Variants in PATZ1 observed in about 807,000 individuals in gnomAD.
The protein encoded by PATZ1 is POZ/BTB and AT hook containing zinc finger 1.
PATZ1 carries 9 observed loss-of-function variants against 46.2 expected under a neutral mutation model. The ratio of observed to expected loss-of-function variants is 0.19; its 90% CI spans 0.12 to 0.34. The LOEUF is 0.34. PATZ1 is among the 10% of genes least tolerant of loss of function. The probability of loss-of-function intolerance (pLI) is 1.00; values close to 1 mark genes in which losing one functional copy is unlikely to be tolerated. For synonymous variants in PATZ1, 426 were observed against 378.6 expected, an observed-to-expected ratio of 1.13 and a Z score of -1.45; for missense variants, 632 against 923.0, an observed-to-expected ratio of 0.68 and a Z score of 4.08.
chr22:31,341,193 A>G (rs1456620197), intron 2 of PATZ1: 4 of 1,248,686 alleles, frequency 3.2e-6, no homozygotes, highest in Non-Finnish European at 3.0e-6. Context: ...AGAGCCCAGA[A>G]AGAAACTTGG....
chr22:31,344,343 T>C lies in PATZ1; in HGVS notation c.1260A>G (p.Lys420=), dbSNP rs376203520. 1 of 1,605,086 alleles carries C rather than the reference T, an allele frequency of 6.2e-7. No individual in the cohort carries two copies. The highest frequency in any genetic ancestry group is 8.5e-7 in the Non-Finnish European group (1 of 1,174,974). The change falls in exon 1 of 5, where the codon AAA becomes AAG. Residue 420 remains lysine (K), a synonymous_variant. Coordinates refer to ENST00000266269, the MANE Select transcript of PATZ1 (RefSeq NM_014323.3). ...GKPYICQSCG[K]GFSRPDHLNG... ...GGGCCTTTCCTCACCTGGAGAAGCCTTTCCCACAGCTCTGGCAGATGTAAG... is the reference window on the plus strand; with the variant it reads ...GGGCCTTTCCTCACCTGGAGAAGCCCTTCCCACAGCTCTGGCAGATGTAAG...
Position 31,344,583 on chromosome 22 carries a change from T to G in PATZ1, c.1020A>C (p.Glu340Asp), listed in dbSNP as rs769956909. The G allele has an allele frequency of 2.4e-5, 38 of 1,614,082 alleles. No individual in the cohort carries two copies. The highest frequency in any genetic ancestry group is 2.9e-5 in the Non-Finnish European group (34 of 1,180,050). ...TCCTCTTTCGGGGGCCGTCGGGGTC[T>G]TCAGAGATGGGTAGCCCATTCTCAC... The part of the protein sequence containing the change: ...RLGENGLPIS[E>D]DPDGPRKRSR... The change falls in exon 1 of 5, where the codon GAA (glutamate) becomes GAC (aspartate). Residue 340 changes from glutamate (E) to aspartate (D), a missense_variant. Coordinates refer to ENST00000266269, the MANE Select transcript of PATZ1 (RefSeq NM_014323.3).
At chr22:31,338,979 G>T (rs1250136337) in intron 2 of PATZ1, among the ~76,000 whole-genome samples, 4 of 152,170 alleles carry the variant, frequency 2.6e-5, no homozygotes, top group Non-Finnish European at 5.9e-5. Context: ...GTCTTCCACA[G>T]TCTCTGGGAG....
chr22:31,341,326 C>T, intron 2 of PATZ1: 12 of 1,497,168 alleles, frequency 8.0e-6, no homozygotes, highest in Non-Finnish European at 1.1e-5. Context: ...CCCTGCTAGC[C>T]TCTCCCAAAA....
In PATZ1 at chr22:31,345,140, C is replaced by A; in HGVS notation, c.463G>T (p.Val155Phe). ...ATCTGTACGTTGGACTGTTTGATGACTTCCTGGCAGATCTCGATAACCGAC... is the reference window on the plus strand; with the variant it reads ...ATCTGTACGTTGGACTGTTTGATGAATTCCTGGCAGATCTCGATAACCGAC... ...MRSVIEICQE[V>F]IKQSNVQILV... Residue 155 changes from valine (V) to phenylalanine (F), a missense_variant, in exon 1 of 5, where the codon GTC becomes TTC. Physicochemically the swap from Val to Phe is conservative, Grantham distance 50. Transcript: ENST00000266269. This position sits in a 1 kb window ranked among gnomAD's most constrained non-coding sequence, Gnocchi z 7.4. 8 of 1,614,224 alleles carry A rather than the reference C, an allele frequency of 5.0e-6. No individual in the cohort carries two copies. The highest frequency in any genetic ancestry group is 5.9e-6 in the Non-Finnish European group (7 of 1,180,036).
Position 31,344,640 on chromosome 22 carries a change from C to T in PATZ1, c.963G>A (p.Leu321=). 1 of 1,614,060 alleles carries T rather than the reference C, an allele frequency of 6.2e-7. No individual in the cohort carries two copies. The highest frequency in any genetic ancestry group is 8.5e-7 in the Non-Finnish European group (1 of 1,180,034). Reference sequence around the variant, plus strand: ...TCGGAGGAGGAAGGTCGATGTAGCCCAGCTGGAGGCTGGTGACACCGTGCT... The same window carrying T: ...TCGGAGGAGGAAGGTCGATGTAGCCTAGCTGGAGGCTGGTGACACCGTGCT... The part of the protein sequence containing the change: ...EAQHGVTSLQ[L]GYIDLPPPRL... The change falls in exon 1 of 5, where the codon CTG becomes CTA. Residue 321 remains leucine (L), a synonymous_variant. Coordinates refer to ENST00000266269, the MANE Select transcript of PATZ1 (RefSeq NM_014323.3).
rs2049660567 is a variant in PATZ1, at chr22:31,346,275, GGGA to G, written c.-676_-674del. On this transcript the variant is annotated 5_prime_UTR_variant, in exon 1 of 5. Transcript: ENST00000266269. ...GGCAGAGTAGGCCCTTCCTCAGGCC[GGGA>G]GAAGGCGGCGGCGGAGCGGCGGCTG... 1 of 155,610 alleles carries G rather than the reference GGGA, an allele frequency of 6.4e-6. No homozygotes were observed. Among genetic ancestry groups the G allele is most frequent in the African/African-American group, 2.4e-5 (1 of 41,356 alleles). 9.6% of individuals were successfully genotyped at this position (155,610 alleles called of 1,614,324 possible).
At position 31,328,663 on chromosome 22, in the gene PATZ1, G is replaced by C. The variant is rs1253151779; in HGVS notation, c.1645+124C>G. The C allele has an allele frequency of 2.4e-6, 2 of 830,858 alleles. No individual in the cohort carries two copies. The highest frequency in any genetic ancestry group is 4.0e-6 in the Non-Finnish European group (2 of 499,520). The allele number at this position is 830,858 out of a possible 1,614,324, so 51.5% of individuals were successfully genotyped here. A position where few individuals can be genotyped will look rare whatever the true frequency, so the allele number is the denominator to read the frequency against. On this transcript the variant is annotated intron_variant, in intron 4 of 4. Transcript: ENST00000266269. This position sits in a 1 kb window ranked among gnomAD's most constrained non-coding sequence, Gnocchi z 4.8. Reference sequence around the variant, plus strand: ...TTGTCCTGGAGGCCACTGCCACTCAGATCTCTGAGTCTCCTCAAGGCAGCC... The same window carrying C: ...TTGTCCTGGAGGCCACTGCCACTCACATCTCTGAGTCTCCTCAAGGCAGCC...
chr22:31,341,732 TG>T, intron 2 of PATZ1: 1 of 1,523,890 alleles, frequency 6.6e-7, no homozygotes, highest in East Asian at 2.3e-5. Flanking sequence ...CCACCGGGCT[TG>T]CCCCCACTGC....
rs896286812 is a variant in PATZ1 at position 31,326,906 on chromosome 22, C to T, written c.2049G>A (p.Gly683=). ...VDPEVDQQPM[G]PEGK ...AGCAGCTGCCTCATTTCCCTTCAGG[C>T]CCCATGGGCTGCTGGTCAACCTCAG... is the stretch of plus-strand genomic sequence containing the variant. The change falls in exon 5 of 5, where the codon GGG becomes GGA. Residue 683 remains glycine (G), a synonymous_variant. Coordinates refer to ENST00000266269, the MANE Select transcript of PATZ1 (RefSeq NM_014323.3). 6.2e-7 allele frequency: 1 copy of T among 1,612,978 alleles called. No individual in the cohort carries two copies. The highest frequency in any genetic ancestry group is 8.5e-7 in the Non-Finnish European group (1 of 1,179,292).
intron 3 of PATZ1, among the ~76,000 whole-genome samples, chr22:31,331,580 G>A (rs182993066): frequency 1.3e-4 from 20 of 151,972 alleles, no homozygotes; most frequent in Admixed American, 1.3e-3. Flanking sequence ...CTGACTTCGC[G>A]ATCCACCCGC....
rs749372022 is a variant in PATZ1 at position 31,335,766 on chromosome 22, C to T, written c.1433G>A (p.Arg478Gln). The T allele has an allele frequency of 6.2e-7, 1 of 1,614,126 alleles. No homozygotes were observed. The highest frequency in any genetic ancestry group is 8.5e-7 in the Non-Finnish European group (1 of 1,180,024). ...VPCQVCGKYL[R>Q]AAYMADHLKK... ...CAGGTGGTCTGCCATGTATGCTGCC[C>T]GCAAGTACTTCCCACACACCTGGCA... The change falls in exon 3 of 5, where the codon CGG becomes CAG. Residue 478 changes from arginine (R) to glutamine (Q), a missense_variant. Coordinates refer to ENST00000266269, the MANE Select transcript of PATZ1 (RefSeq NM_014323.3).
In PATZ1 at chr22:31,328,446, A is replaced by C. The variant is rs2049394297; in HGVS notation, c.1645+341T>G. Among the ~76,000 whole-genome samples, 3 of 152,210 alleles carry C rather than the reference A, an allele frequency of 2.0e-5. No homozygotes were observed. The highest frequency in any genetic ancestry group is 7.2e-5 in the African/African-American group (3 of 41,462). The stretch of plus-strand genomic sequence containing the variant: ...CCATCCTAAAGGGCAGCAGGCAGTG[A>C]CAGGCCCATAGTGACTCATCATGCA... On this transcript the variant is annotated intron_variant, in intron 4 of 4. Transcript: ENST00000266269. The surrounding 1 kb of genome is among the most constrained non-coding windows in gnomAD (Gnocchi z 4.8).
At position 31,345,608 on chromosome 22, in the gene PATZ1, C is replaced by T; in HGVS notation, c.-6G>A. 6.3e-7 allele frequency: 1 copy of T among 1,582,230 alleles called. No homozygotes were observed. Among genetic ancestry groups the T allele is most frequent in the Non-Finnish European group, 8.6e-7 (1 of 1,159,618 alleles). On this transcript the variant is annotated 5_prime_UTR_variant, in exon 1 of 5. Transcript: ENST00000266269. This position sits in a 1 kb window ranked among gnomAD's most constrained non-coding sequence, Gnocchi z 7.4. ...GCGTCGTTCACCCGCTCCATGGCCGCCGCCCCCTCCCACTAGCCCGGCCGC... is the reference window on the plus strand; with the variant it reads ...GCGTCGTTCACCCGCTCCATGGCCGTCGCCCCCTCCCACTAGCCCGGCCGC...
chr22:31,343,980 A>G (rs2049615516), intron 1 of PATZ1, among the ~76,000 whole-genome samples: 1 of 152,194 alleles, frequency 6.6e-6, no homozygotes, highest in Admixed American at 6.5e-5. Context: ...AAGTCGCTGG[A>G]GGAGCCCAGT....
chr22:31,343,210 C>T (rs2049605285), intron 1 of PATZ1: 4 of 1,250,078 alleles, frequency 3.2e-6, no homozygotes, highest in Non-Finnish European at 4.1e-6. Context: ...CTCCCCACTC[C>T]CTCAATTCTC....
At position 31,346,202 on chromosome 22, in the gene PATZ1, G is replaced by GGGCGGT. The variant is rs1176977467; in HGVS notation, c.-606_-601dup. The GGGCGGT allele has an allele frequency of 1.1e-4, 17 of 152,884 alleles. No homozygotes were observed. The highest frequency in any genetic ancestry group is 1.3e-4 in the Admixed American group (2 of 14,888). The allele number at this position is 152,884 out of a possible 1,614,324, so 9.5% of individuals were successfully genotyped here. The stretch of plus-strand genomic sequence containing the variant: ...CGCGGGCCGGGTCCCGGAGCCTGGA[G>GGGCGGT]GGCGGTGGCGGCGGCGGCGGCGGCT... On this transcript the variant is annotated 5_prime_UTR_variant, in exon 1 of 5. Coordinates refer to ENST00000266269, the MANE Select transcript of PATZ1 (RefSeq NM_014323.3).
chr22:31,341,249 G>A, intron 2 of PATZ1: 2 of 1,393,958 alleles, frequency 1.4e-6, no homozygotes, highest in South Asian at 4.0e-5. Flanking sequence ...ACCCCCATTT[G>A]GGGGCTCTGA....
chr22:31,335,535 T>C (rs2049498483), intron 3 of PATZ1, 157 bp downstream of exon 3: 3 of 657,250 alleles, frequency 4.6e-6, no homozygotes, highest in Admixed American at 3.0e-5. Flanking sequence ...AGGTAGCAAA[T>C]AGCTAGTTGG....
Sources: allele counts gnomAD v4.1 joint callset (sites outside exome capture counted in the v4.1 genomes callset), GRCh38; gene constraint gnomAD v4.1.1; non-coding constraint Gnocchi (gnomAD v3.1); transcripts MANE v1.5; gene names NCBI Gene and HGNC (gene_info 2026-07-23, HGNC 2026-07-21).